The following LUZP2 variants were observed in gnomAD, a reference collection of about 807,000 sequenced individuals.
LUZP2 encodes leucine zipper protein 2.
Under a neutral mutation model 51.6 loss-of-function variants are expected in LUZP2, and 52 were observed. That is an observed-to-expected ratio of 1.01 (90% CI 0.81 to 1.27). The LOEUF is 1.27. LUZP2 is among the 50% of genes most tolerant of loss of function. The pLI, the probability that LUZP2 is intolerant of heterozygous loss-of-function variation, is 0.00. For missense variants in LUZP2, 436 were observed against 395.4 expected (o/e 1.10, Z -0.87); for synonymous variants, 154 against 137.3 (o/e 1.12, Z -0.85).
At chr11:24,656,846 T>C (rs191240024) in intron 1 of LUZP2, among the ~76,000 whole-genome samples, 3 of 152,258 alleles carry the variant, frequency 2.0e-5, no homozygotes, top group African/African-American at 7.2e-5. Context: ...CTGGAGAAAG[T>C]TTTCTGCCAG....
At chr11:24,601,915 TA>T (rs1451164790) in intron 1 of LUZP2, among the ~76,000 whole-genome samples, 1 of 77,692 alleles carries the variant, frequency 1.3e-5, no homozygotes, top group South Asian at 3.5e-4. Flanking sequence ...TATATATGTA[TA>T]TATGTATATA....
chr11:24,864,570 T>C (rs576518036), intron 5 of LUZP2, among the ~76,000 whole-genome samples: 45 of 152,314 alleles, frequency 3.0e-4, no homozygotes, highest in African/African-American at 1.0e-3. Context: ...GGTGACTCCA[T>C]TCTCAGACAG....
intron 5 of LUZP2, among the ~76,000 whole-genome samples, chr11:24,835,680 T>C (rs1231419563): frequency 6.6e-6 from 1 of 152,098 alleles, no homozygotes; most frequent in African/African-American, 2.4e-5. Context: ...ATTTCATGTT[T>C]CCTGATGCCT....
intron 5 of LUZP2, among the ~76,000 whole-genome samples, chr11:24,880,040 A>G (rs548293686): frequency 2.6e-5 from 4 of 152,276 alleles, no homozygotes; most frequent in African/African-American, 9.6e-5. Flanking sequence ...TAGGAGTTGT[A>G]GTCCTTGTGC....
intron 1 of LUZP2, among the ~76,000 whole-genome samples, chr11:24,573,277 C>G (rs1301356968): frequency 1.3e-5 from 2 of 152,012 alleles, no homozygotes; most frequent in African/African-American, 4.8e-5. Context: ...CTTCGTGGTT[C>G]TTACAAGGAT....
At chr11:24,547,041 G>T (rs907191284) in intron 1 of LUZP2, among the ~76,000 whole-genome samples, 1 of 151,478 alleles carries the variant, frequency 6.6e-6, no homozygotes, top group Non-Finnish European at 1.5e-5. Context: ...ACTCATCATT[G>T]GTCTGTTCAG....
intron 1 of LUZP2, among the ~76,000 whole-genome samples, chr11:24,521,038 T>G (rs903748814): frequency 2.6e-5 from 4 of 152,206 alleles, no homozygotes; most frequent in African/African-American, 9.6e-5. Context: ...TGTTGCCATT[T>G]GGTGTAATCT....
chr11:24,876,428 G>T (rs1246970180), intron 5 of LUZP2, among the ~76,000 whole-genome samples: 1 of 148,700 alleles, frequency 6.7e-6, no homozygotes, highest in African/African-American at 2.5e-5. Context: ...CGTTATTTCT[G>T]AGGGCTCTGC....
intron 1 of LUZP2, among the ~76,000 whole-genome samples, chr11:24,716,369 A>C (rs1040328004): frequency 6.6e-6 from 1 of 152,222 alleles, no homozygotes; most frequent in African/African-American, 2.4e-5. Context: ...AAAAACAAAA[A>C]CAATGCAAAT....
At chr11:25,014,147 CAT>C (rs1857069030) in intron 9 of LUZP2, among the ~76,000 whole-genome samples, 1 of 152,184 alleles carries the variant, frequency 6.6e-6, no homozygotes, top group Non-Finnish European at 1.5e-5. Context: ...TCCAGTCTAT[CAT>C]TGTTGGACAT....
At position 24,620,525 on chromosome 11, in the gene LUZP2, G is replaced by C. The variant is rs143469835; in HGVS notation, c.63-108644G>C. On this transcript the variant is annotated intron_variant, in intron 1 of 11. Coordinates refer to ENST00000336930, the MANE Select transcript of LUZP2 (RefSeq NM_001009909.4). ...TAGTAAGTTATTAGCTTCCTACACTGCTTACTTTTTAATGTTGTTCTGTAG... is the reference window on the plus strand; with the variant it reads ...TAGTAAGTTATTAGCTTCCTACACTCCTTACTTTTTAATGTTGTTCTGTAG... 9.6e-3 allele frequency among the ~76,000 whole-genome samples: 1,461 copies of C among 152,224 alleles called. 23 individuals carry two copies. The highest frequency in any genetic ancestry group is 0.033 in the African/African-American group (1,367 of 41,546).
intron 1 of LUZP2, among the ~76,000 whole-genome samples, chr11:24,648,657 G>A (rs1855535973): frequency 6.6e-6 from 1 of 151,920 alleles, no homozygotes; most frequent in East Asian, 1.9e-4. Flanking sequence ...AAGAGTAGGA[G>A]TCCACAGTGG....
chr11:24,816,862 G>A (rs1358996206), intron 5 of LUZP2, among the ~76,000 whole-genome samples: 2 of 151,954 alleles, frequency 1.3e-5, no homozygotes, highest in Non-Finnish European at 2.9e-5. Flanking sequence ...TTTCTGGGCG[G>A]TATATTTGAG....
chr11:24,733,227 T>C (rs978561891), intron 3 of LUZP2, among the ~76,000 whole-genome samples: 1 of 151,860 alleles, frequency 6.6e-6, no homozygotes, highest in African/African-American at 2.4e-5. Flanking sequence ...GACATGTTTA[T>C]TATTTATTTA....
intron 5 of LUZP2, among the ~76,000 whole-genome samples, chr11:24,889,749 A>G (rs1852788531): frequency 6.6e-6 from 1 of 152,180 alleles, no homozygotes; most frequent in Non-Finnish European, 1.5e-5. Context: ...CTGATTTTTA[A>G]ACTCTGGCAA....
At chr11:24,704,614 A>G (rs1857518550) in intron 1 of LUZP2, among the ~76,000 whole-genome samples, 1 of 151,946 alleles carries the variant, frequency 6.6e-6, no homozygotes, top group Admixed American at 6.6e-5. Flanking sequence ...AAGAATATAT[A>G]TATATATATA....
intron 1 of LUZP2, among the ~76,000 whole-genome samples, chr11:24,610,755 G>A (rs570856713): frequency 1.2e-4 from 19 of 152,272 alleles, no homozygotes; most frequent in South Asian, 8.3e-4. Flanking sequence ...AGACCAGCCC[G>A]GCCAACATGG....
intron 9 of LUZP2, among the ~76,000 whole-genome samples, chr11:25,000,039 C>T (rs12785304): frequency 1.5e-5 from 1 of 68,192 alleles, no homozygotes; most frequent in Non-Finnish European, 4.6e-5. Context: ...TTTTACAGAG[C>T]ACTGATTGAT....
At position 24,754,474 on chromosome 11, in the gene LUZP2, TCTGA is replaced by T. The variant is rs1159552636; in HGVS notation, c.334-8768_334-8765del. ...GAGACAACAAATTTGATAAGGCTTC[TCTGA>T]CTGTCTCTGTTTTGTATCAACAGGG... On this transcript the variant is annotated intron_variant, in intron 4 of 11. Coordinates refer to ENST00000336930, the MANE Select transcript of LUZP2 (RefSeq NM_001009909.4). Among the ~76,000 whole-genome samples, 9 of 152,318 alleles carry T rather than the reference TCTGA, an allele frequency of 5.9e-5. No individual in the cohort carries two copies. In the East Asian group the frequency reaches 1.7e-3, roughly 29 times the overall value.
Sources: gnomAD v4.1 joint callset for allele counts (sites outside exome capture counted in the v4.1 genomes callset) on GRCh38, gnomAD v4.1.1 for gene constraint, MANE v1.5 for transcripts, NCBI Gene and HGNC (gene_info 2026-07-23, HGNC 2026-07-21) for gene names.